The following VPS35L variants were observed in gnomAD, a reference collection of about 807,000 sequenced individuals.
VPS35L encodes VPS35 endosomal protein-sorting factor-like.
VPS35L carries 83 observed loss-of-function variants against 133.0 expected under a neutral mutation model. The ratio of observed to expected loss-of-function variants is 0.62; its 90% confidence interval spans 0.52 to 0.75. The LOEUF (loss-of-function observed/expected upper bound fraction) is 0.75, where lower values mean the gene tolerates loss of function less well. Ranked by LOEUF, VPS35L falls within the 30% of genes least tolerant of loss-of-function variation. The pLI is 0.00. For synonymous variants in VPS35L, 423 were observed against 449.9 expected (o/e 0.94, Z 0.76); for missense variants, 1,083 against 1,206.8 (o/e 0.90, Z 1.52).
intron 25 of VPS35L, among the ~76,000 whole-genome samples, chr16:19,651,234 T>C (rs1383059974): frequency 6.6e-6 from 1 of 151,290 alleles, no homozygotes; most frequent in Non-Finnish European, 1.5e-5. Context: ...GAAAATTTTA[T>C]CAGATGTGAT....
At chr16:19,588,658 A>G (rs1364086660) in intron 7 of VPS35L, among the ~76,000 whole-genome samples, 2 of 152,104 alleles carry the variant, frequency 1.3e-5, no homozygotes, top group African/African-American at 4.8e-5. Flanking sequence ...TGAGTATGAA[A>G]TCATTTTCTG....
chr16:19,668,580 C>T (rs72769509), intron 26 of VPS35L, among the ~76,000 whole-genome samples: 7,370 of 140,008 alleles, frequency 0.053, 278 homozygotes, highest in Non-Finnish European at 0.071. Flanking sequence ...TAATCAGAAG[C>T]CTTTAAGCTG....
At chr16:19,609,094 C>T in intron 11 of VPS35L, 73 bp downstream of exon 11, 1 of 1,298,334 alleles carries the variant, frequency 7.7e-7, no homozygotes, top group African/African-American at 1.5e-5. Context: ...ATAGTAATGG[C>T]AATGTAATAG....
At chr16:19,645,599 C>T (rs539845370) in intron 23 of VPS35L, among the ~76,000 whole-genome samples, 1 of 152,006 alleles carries the variant, frequency 6.6e-6, no homozygotes, top group Non-Finnish European at 1.5e-5. Flanking sequence ...CCCTGTCTGT[C>T]TTTAGCCCTG....
At chr16:19,626,902 T>C (rs1973282397) in intron 15 of VPS35L, among the ~76,000 whole-genome samples, 1 of 152,208 alleles carries the variant, frequency 6.6e-6, no homozygotes, top group Non-Finnish European at 1.5e-5. Context: ...GGTAGATACA[T>C]GGAAACAGCC....
intron 3 of VPS35L, among the ~76,000 whole-genome samples, chr16:19,571,579 C>T (rs1241564151): frequency 1.3e-5 from 2 of 151,644 alleles, no homozygotes; most frequent in African/African-American, 2.4e-5. Flanking sequence ...GAGTCTCATT[C>T]TGTTGCCCAG....
intron 3 of VPS35L, among the ~76,000 whole-genome samples, chr16:19,572,121 G>T (rs1971402051): frequency 6.6e-6 from 1 of 152,024 alleles, no homozygotes; most frequent in Non-Finnish European, 1.5e-5. Flanking sequence ...TAGCTTCCTA[G>T]AAGTTCTTTG....
chr16:19,555,944 T>G (rs991085877), intron 1 of VPS35L, among the ~76,000 whole-genome samples, 198 bp downstream of exon 1: 1 of 152,172 alleles, frequency 6.6e-6, no homozygotes, highest in Non-Finnish European at 1.5e-5. Context: ...GGCGGGTTCT[T>G]GGTTCTCTCC....
rs2214170 is a variant in VPS35L at position 19,667,820 on chromosome 16, C to T, written c.2222-1340C>T. 7.5e-3 allele frequency among the ~76,000 whole-genome samples: 1,136 copies of T among 151,586 alleles called. 15 individuals carry two copies. The highest frequency in any genetic ancestry group is 0.026 in the African/African-American group (1,070 of 41,342). On this transcript the variant is annotated intron_variant, in intron 26 of 30. Coordinates refer to ENST00000417362, the MANE Select transcript of VPS35L (RefSeq NM_020314.7). ...TCATTGCCACAGTTTATGTTGTCAA[C>T]GCTTTCTCTCACTTTTTTTTCATCT... is the stretch of plus-strand genomic sequence containing the variant.
chr16:19,635,788 C>A (rs1973605466), intron 19 of VPS35L, among the ~76,000 whole-genome samples: 2 of 152,182 alleles, frequency 1.3e-5, no homozygotes, highest in African/African-American at 2.4e-5. Context: ...CCACAAAGCA[C>A]ATTTGGCAAA....
At position 19,649,467 on chromosome 16, in the gene VPS35L, G is replaced by A. The variant is rs538600913; in HGVS notation, c.2029-915G>A. On this transcript the variant is annotated intron_variant, in intron 24 of 30. Transcript: ENST00000417362. ...ACTTGCTTTTGATCACAGTAGCCACGAAAAACAAGTTTTACAAATATATGA... is the reference window on the plus strand; with the variant it reads ...ACTTGCTTTTGATCACAGTAGCCACAAAAAACAAGTTTTACAAATATATGA... Among the ~76,000 whole-genome samples the A allele has an allele frequency of 2.0e-5, 3 of 152,098 alleles. No homozygotes were observed. The East Asian group carries it at 5.8e-4, about 29-fold the overall frequency.
chr16:19,644,833 A>G (rs1368882476), intron 22 of VPS35L, 53 bp from the exon 23 acceptor site: 1 of 1,344,848 alleles, frequency 7.4e-7, no homozygotes, highest in Non-Finnish European at 1.0e-6. Flanking sequence ...TTTTTTCTTT[A>G]GAAACTTTCA....
chr16:19,610,324 G>T lies in VPS35L; in HGVS notation c.932G>T (p.Gly311Val). ...LKCNKFLSKT[G>V]ISECLPRLTC... Reference sequence around the variant, plus strand: ...TGGCCTGTTTTTGTCTCTTGCAGGGGAATTTCAGAGTGCCTGCCCCGGTTG... The same window carrying T: ...TGGCCTGTTTTTGTCTCTTGCAGGGTAATTTCAGAGTGCCTGCCCCGGTTG... The change falls in exon 12 of 31, where the codon GGA (glycine) becomes GTA (valine). Residue 311 changes from glycine to valine, a missense_variant and splice_region_variant. Transcript: ENST00000417362. 1 of 1,613,856 alleles carries T rather than the reference G, an allele frequency of 6.2e-7. No homozygotes were observed. The highest frequency in any genetic ancestry group is 8.5e-7 in the Non-Finnish European group (1 of 1,179,892).
chr16:19,588,897 T>C (rs1314074987), intron 7 of VPS35L, among the ~76,000 whole-genome samples: 1 of 152,256 alleles, frequency 6.6e-6, no homozygotes, highest in Non-Finnish European at 1.5e-5. Flanking sequence ...CTTGTAGTAG[T>C]ATGTGGGCGT....
Position 19,564,921 on chromosome 16 carries a change from G to A in VPS35L, c.88G>A (p.Gly30Arg), listed in dbSNP as rs1971139880. Reference protein sequence around the residue: ...CRLEAVPLEFGDYHPLKPITV... With the variant: ...CRLEAVPLEFRDYHPLKPITV... ...ACTGGAGGCTGTACCATTGGAGTTT[G>A]GGGACTATCACCCTCTGAAACCCAT... The change falls in exon 2 of 31, where the codon GGG becomes AGG. Residue 30 changes from glycine (G) to arginine (R), a missense_variant. Transcript: ENST00000417362. 1 of 1,612,930 alleles carries A rather than the reference G, an allele frequency of 6.2e-7. No homozygotes were observed. The highest frequency in any genetic ancestry group is 1.7e-5 in the Admixed American group (1 of 59,968).
chr16:19,576,016 A>T (rs1387603455), intron 5 of VPS35L, among the ~76,000 whole-genome samples: 1 of 142,862 alleles, frequency 7.0e-6, no homozygotes, highest in Non-Finnish European at 1.5e-5. Context: ...AAAAAAAAAA[A>T]TTAGCCAGGC....
chr16:19,606,769 A>AT (rs763887880), intron 9 of VPS35L, among the ~76,000 whole-genome samples: 1 of 152,134 alleles, frequency 6.6e-6, no homozygotes, highest in Non-Finnish European at 1.5e-5. Context: ...TTATTTATTC[A>AT]TTTTTTAGAG....
At chr16:19,603,591 G>GT (rs1180989499) in intron 9 of VPS35L, among the ~76,000 whole-genome samples, 2 of 152,174 alleles carry the variant, frequency 1.3e-5, no homozygotes, top group Admixed American at 1.3e-4. Context: ...CTGTGACGAT[G>GT]TTTTTTCAGC....
intron 9 of VPS35L, among the ~76,000 whole-genome samples, chr16:19,604,223 T>C (rs1212174623): frequency 6.6e-6 from 1 of 151,664 alleles, no homozygotes; most frequent in East Asian, 1.9e-4. Flanking sequence ...CTCTTAAAAA[T>C]TTTCATATTT....
Sources: allele counts gnomAD v4.1 joint callset (sites outside exome capture counted in the v4.1 genomes callset), GRCh38; gene constraint gnomAD v4.1.1; transcripts MANE v1.5; gene names NCBI Gene and HGNC (gene_info 2026-07-23, HGNC 2026-07-21).